The following CTNNA3 variants were observed in gnomAD, a reference collection of about 807,000 sequenced individuals.
CTNNA3 encodes the protein catenin alpha-3.
Under a neutral mutation model 95.7 loss-of-function variants are expected in CTNNA3, and 76 were observed. The observed-to-expected ratio is 0.79, with a 90% CI of 0.66 to 0.96. The LOEUF is 0.96. Among genes scored for constraint, CTNNA3 ranks in the 40% least tolerant of loss-of-function variants. CTNNA3 has a pLI of 0.00. For synonymous variants in CTNNA3, 431 were observed against 374.4 expected (o/e 1.15, Z -1.74); for missense variants, 1,191 against 1,089.8 (o/e 1.09, Z -1.31).
intron 7 of CTNNA3, among the ~76,000 whole-genome samples, chr10:67,010,061 G>GA (rs1852225401): frequency 1.3e-5 from 2 of 152,134 alleles, no homozygotes; most frequent in African/African-American, 4.8e-5. Context: ...CTGAGTCAGG[G>GA]CTCTTTAGAA....
intron 13 of CTNNA3, among the ~76,000 whole-genome samples, chr10:66,228,977 A>T (rs1309072303): frequency 6.6e-6 from 1 of 152,110 alleles, no homozygotes; most frequent in African/African-American, 2.4e-5. Context: ...GTTTCCATTC[A>T]CAAGGAATAA....
At chr10:65,947,370 A>T (rs1435189580) in intron 17 of CTNNA3, among the ~76,000 whole-genome samples, 1 of 152,196 alleles carries the variant, frequency 6.6e-6, no homozygotes, top group Admixed American at 6.5e-5. Flanking sequence ...TTTAGGGTAA[A>T]TTTAACATTT....
chr10:66,382,946 A>T (rs1347323601), intron 11 of CTNNA3, among the ~76,000 whole-genome samples: 2 of 152,202 alleles, frequency 1.3e-5, no homozygotes, highest in Admixed American at 1.3e-4. Flanking sequence ...TAGGTCACCA[A>T]CATCAAAGAC....
chr10:66,784,975 T>C (rs773902104), intron 7 of CTNNA3, among the ~76,000 whole-genome samples: 3 of 152,164 alleles, frequency 2.0e-5, no homozygotes, highest in Non-Finnish European at 4.4e-5. Flanking sequence ...GGCTACTTGC[T>C]GATGAATAAG....
chr10:67,496,190 A>T (rs1170961305), intron 5 of CTNNA3, among the ~76,000 whole-genome samples: 1 of 152,216 alleles, frequency 6.6e-6, no homozygotes, highest in Non-Finnish European at 1.5e-5. Flanking sequence ...CTTCTAAAAC[A>T]AAATGATATC....
At chr10:66,722,090 T>C (rs964303335) in intron 9 of CTNNA3, among the ~76,000 whole-genome samples, 1 of 152,090 alleles carries the variant, frequency 6.6e-6, no homozygotes, top group Non-Finnish European at 1.5e-5. Context: ...TCAATTAAAA[T>C]GCTAAAGGCC....
intron 13 of CTNNA3, among the ~76,000 whole-genome samples, chr10:66,109,363 C>A (rs1332268034): frequency 6.6e-6 from 1 of 152,168 alleles, no homozygotes; most frequent in East Asian, 1.9e-4. Context: ...CTGAATAATT[C>A]CAGTTGTGAG....
At chr10:65,927,485 A>G (rs2077185059) in intron 17 of CTNNA3, among the ~76,000 whole-genome samples, 1 of 152,178 alleles carries the variant, frequency 6.6e-6, no homozygotes, top group African/African-American at 2.4e-5. Flanking sequence ...TCAGGCATCC[A>G]CAGATCTGCT....
chr10:65,936,714 T>C (rs1047087260), intron 17 of CTNNA3, among the ~76,000 whole-genome samples: 3 of 152,120 alleles, frequency 2.0e-5, no homozygotes, highest in African/African-American at 7.2e-5. Context: ...ATAGTCTATG[T>C]TGAAAACTTT....
At chr10:66,275,964 C>T (rs2091387169) in intron 13 of CTNNA3, among the ~76,000 whole-genome samples, 1 of 152,112 alleles carries the variant, frequency 6.6e-6, no homozygotes, top group Non-Finnish European at 1.5e-5. Flanking sequence ...TAGAATCAGA[C>T]CCAAAGATTG....
At chr10:66,792,264 G>A (rs893650614) in intron 7 of CTNNA3, among the ~76,000 whole-genome samples, 5 of 152,082 alleles carry the variant, frequency 3.3e-5, no homozygotes, top group Non-Finnish European at 7.4e-5. Flanking sequence ...AACAACTATC[G>A]TCATGATGTC....
At chr10:67,301,035 C>G (rs1238387860) in intron 5 of CTNNA3, among the ~76,000 whole-genome samples, 1 of 151,984 alleles carries the variant, frequency 6.6e-6, no homozygotes, top group Non-Finnish European at 1.5e-5. Context: ...AAGTAAAATA[C>G]TTTTATACAC....
In CTNNA3 at chr10:67,254,833, G is replaced by T. The variant is rs145680986; in HGVS notation, c.580-34963C>A. Among the ~76,000 whole-genome samples the T allele has an allele frequency of 2.2e-3, 330 of 152,188 alleles. 4 individuals are homozygous for T. Among genetic ancestry groups the T allele is most frequent in the African/African-American group, 7.6e-3 (315 of 41,520 alleles). On this transcript the variant is annotated intron_variant, in intron 5 of 17. Transcript: ENST00000433211. The stretch of plus-strand genomic sequence containing the variant: ...GGTGGGTAGTAGGCTATACCTTCTA[G>T]GTTTGTATAAGTACACTCTATGCTG...
chr10:67,357,319 T>A (rs1842844010), intron 5 of CTNNA3, among the ~76,000 whole-genome samples: 2 of 152,090 alleles, frequency 1.3e-5, no homozygotes, highest in Admixed American at 6.6e-5. Context: ...AGATAAAATA[T>A]ATCTGGAAAA....
At chr10:66,970,015 G>A (rs1359770813) in intron 7 of CTNNA3, among the ~76,000 whole-genome samples, 1 of 152,072 alleles carries the variant, frequency 6.6e-6, no homozygotes. Flanking sequence ...TATAAGGCTA[G>A]AATTGACTTG....
chr10:67,676,231 CA>C (rs1840532312), intron 1 of CTNNA3, among the ~76,000 whole-genome samples: 1 of 151,926 alleles, frequency 6.6e-6, no homozygotes, highest in Admixed American at 6.6e-5. Flanking sequence ...CTTTTATAAA[CA>C]GATCTTTATT....
chr10:66,312,889 A>G (rs2092043934), intron 12 of CTNNA3, among the ~76,000 whole-genome samples: 1 of 152,168 alleles, frequency 6.6e-6, no homozygotes, highest in South Asian at 2.1e-4. Context: ...AGACAGAAGA[A>G]AGAAGGGGAA....
intron 15 of CTNNA3, among the ~76,000 whole-genome samples, chr10:66,066,331 A>G (rs775695314): frequency 3.9e-5 from 6 of 152,316 alleles, no homozygotes; most frequent in Non-Finnish European, 7.4e-5. Context: ...ATTTAAACCC[A>G]TGAAAGTTTA....
rs564232013 is a variant in CTNNA3 at position 66,468,392 on chromosome 10, A to T, written c.1531+52225T>A. ...AAGGACAGAGTATTTCCTGAACTAC[A>T]TATTAATGTTATTTAGACAGATTTT... On this transcript the variant is annotated intron_variant, in intron 11 of 17. Coordinates refer to ENST00000433211, the MANE Select transcript of CTNNA3 (RefSeq NM_013266.4). Among the ~76,000 whole-genome samples, 33 of 152,150 alleles carry T rather than the reference A, an allele frequency of 2.2e-4. No homozygotes were observed. In the South Asian group the frequency reaches 6.4e-3, roughly 30 times the overall value.
Sources: gnomAD v4.1 joint callset for allele counts (sites outside exome capture counted in the v4.1 genomes callset) on GRCh38, gnomAD v4.1.1 for gene constraint, MANE v1.5 for transcripts, NCBI Gene and HGNC (gene_info 2026-07-23, HGNC 2026-07-21) for gene names.